Variants in TGFBR3 observed in about 807,000 individuals in gnomAD.
The protein encoded by TGFBR3 is transforming growth factor beta receptor 3.
TGFBR3 carries 46 observed loss-of-function variants against 87.9 expected under a neutral mutation model. The ratio of observed to expected loss-of-function variants is 0.52; its 90% CI spans 0.41 to 0.67. The LOEUF (loss-of-function observed/expected upper bound fraction) is 0.67, where lower values mean the gene tolerates loss of function less well. Among genes scored for constraint, TGFBR3 ranks in the 30% least tolerant of loss-of-function variants. TGFBR3 has a pLI of 0.00. For synonymous variants in TGFBR3, 381 were observed against 391.6 expected (o/e 0.97, Z 0.32); for missense variants, 866 against 1,041.9 (o/e 0.83, Z 2.32).
At chr1:91,722,197 A>G in intron 7 of TGFBR3, 53 bp from the exon 8 acceptor site, 3 of 1,399,758 alleles carry the variant, frequency 2.1e-6, no homozygotes, top group Non-Finnish European at 2.0e-6. Context: ...ACAGTACTTT[A>G]GATAATAAAA....
At chr1:91,826,361 G>A (rs952732695) in intron 2 of TGFBR3, among the ~76,000 whole-genome samples, 7 of 152,082 alleles carry the variant, frequency 4.6e-5, no homozygotes, top group Admixed American at 2.6e-4. Flanking sequence ...TTTAAGTCCC[G>A]CTCACATTTA....
chr1:91,687,846 C>T (rs1351952215), intron 16 of TGFBR3, among the ~76,000 whole-genome samples: 1 of 152,136 alleles, frequency 6.6e-6, no homozygotes, highest in African/African-American at 2.4e-5. Flanking sequence ...AAACCATATA[C>T]CTGGGGACAC....
At chr1:91,770,526 A>G (rs1377423420) in intron 3 of TGFBR3, among the ~76,000 whole-genome samples, 2 of 152,180 alleles carry the variant, frequency 1.3e-5, no homozygotes, top group East Asian at 3.8e-4. Context: ...AAGAGGCTTC[A>G]ATATTTATTA....
At chr1:91,853,682 T>C (rs1310866502) in intron 2 of TGFBR3, among the ~76,000 whole-genome samples, 1 of 152,010 alleles carries the variant, frequency 6.6e-6, no homozygotes, top group East Asian at 1.9e-4. Context: ...GAGCGACAAA[T>C]ATCATATATG....
chr1:91,768,507 A>G (rs1571490676), intron 3 of TGFBR3, among the ~76,000 whole-genome samples: 4 of 152,118 alleles, frequency 2.6e-5, no homozygotes, highest in African/African-American at 4.8e-5. Context: ...GTAATCCCCA[A>G]TGTTGGAGGT....
chr1:91,686,484 G>A (rs1671094058), intron 16 of TGFBR3, among the ~76,000 whole-genome samples: 1 of 152,156 alleles, frequency 6.6e-6, no homozygotes, highest in South Asian at 2.1e-4. Context: ...AGAATCTGCT[G>A]GGAAATATTG....
At chr1:91,708,289 G>A (rs2100750100) in intron 14 of TGFBR3, among the ~76,000 whole-genome samples, 1 of 152,266 alleles carries the variant, frequency 6.6e-6, no homozygotes, top group Middle Eastern at 3.4e-3. Flanking sequence ...ATAAACTTTA[G>A]CAGTAGATCA....
At chr1:91,716,173 G>T in intron 12 of TGFBR3, 63 bp downstream of exon 12, 2 of 1,598,506 alleles carry the variant, frequency 1.3e-6, no homozygotes, top group Non-Finnish European at 1.7e-6. Context: ...TATTTTAGCT[G>T]ATGTCTAAGG....
At chr1:91,773,137 G>C (rs1487146158) in intron 3 of TGFBR3, among the ~76,000 whole-genome samples, 1 of 152,174 alleles carries the variant, frequency 6.6e-6, no homozygotes, top group African/African-American at 2.4e-5. Flanking sequence ...CCAGCACTCT[G>C]GGAGGCTGAG....
intron 14 of TGFBR3, among the ~76,000 whole-genome samples, chr1:91,701,210 A>G (rs1032361293): frequency 6.6e-6 from 1 of 152,084 alleles, no homozygotes; most frequent in Admixed American, 6.5e-5. Flanking sequence ...AAACAGAAAC[A>G]GTTGTTGTTC....
At chr1:91,724,443 G>A (rs567193300) in intron 7 of TGFBR3, among the ~76,000 whole-genome samples, 42 of 152,148 alleles carry the variant, frequency 2.8e-4, no homozygotes, top group Non-Finnish European at 5.6e-4. Context: ...TCTCTTTCAT[G>A]TTGTTGGACA....
intron 3 of TGFBR3, among the ~76,000 whole-genome samples, chr1:91,782,901 G>T (rs371024310): frequency 3.9e-5 from 6 of 152,184 alleles, no homozygotes; most frequent in African/African-American, 1.4e-4. Flanking sequence ...CAGCTTCCAC[G>T]TAAACGGGTC....
At chr1:91,740,299 T>C (rs1284017275) in intron 4 of TGFBR3, among the ~76,000 whole-genome samples, 1 of 151,640 alleles carries the variant, frequency 6.6e-6, no homozygotes, top group Admixed American at 6.6e-5. Context: ...CCTCAGGTGA[T>C]CCACCCACCT....
At position 91,768,120 on chromosome 1, in the gene TGFBR3, G is replaced by A. The variant is rs1030437670; in HGVS notation, c.247-9370C>T. Among the ~76,000 whole-genome samples, 9 of 151,196 alleles carry A rather than the reference G, an allele frequency of 6.0e-5. No individual in the cohort carries two copies. In the South Asian group the frequency reaches 1.0e-3, roughly 18 times the overall value. On this transcript the variant is annotated intron_variant, in intron 3 of 16. Coordinates refer to ENST00000212355, the MANE Select transcript of TGFBR3 (RefSeq NM_003243.5). ...CCAGCTACTCAGGAGGCTGAGGCAG[G>A]AGAATCCCTTAAACCCAGGAGGCGG...
At chr1:91,848,797 GA>G (rs1331459657) in intron 2 of TGFBR3, among the ~76,000 whole-genome samples, 2 of 152,126 alleles carry the variant, frequency 1.3e-5, no homozygotes, top group African/African-American at 4.8e-5. Context: ...ACAAGACTTG[GA>G]AATCAGGAGG....
intron 12 of TGFBR3, among the ~76,000 whole-genome samples, chr1:91,713,438 G>A (rs1672055660): frequency 6.6e-6 from 1 of 152,188 alleles, no homozygotes; most frequent in Non-Finnish European, 1.5e-5. Flanking sequence ...GTGGATCACT[G>A]CATGAACTGC....
chr1:91,796,627 A>C (rs868158279), intron 3 of TGFBR3, among the ~76,000 whole-genome samples: 2 of 152,364 alleles, frequency 1.3e-5, no homozygotes, highest in South Asian at 4.1e-4. Flanking sequence ...GAAAGAAGAC[A>C]GAGGACACAG....
chr1:91,877,758 T>C lies in TGFBR3; in HGVS notation c.-114+8120A>G, dbSNP rs374728338. 7.2e-5 allele frequency among the ~76,000 whole-genome samples: 11 copies of C among 152,318 alleles called. No individual in the cohort carries two copies. In the East Asian group the frequency reaches 1.7e-3, roughly 24 times the overall value. Reference sequence around the variant, plus strand: ...CAGCTATTGTAACGAATAATGAGTATGACAGCTTAAAAGCTCAAAGACAAG... The same window carrying C: ...CAGCTATTGTAACGAATAATGAGTACGACAGCTTAAAAGCTCAAAGACAAG... On this transcript the variant is annotated intron_variant, in intron 1 of 16. Transcript: ENST00000212355.
chr1:91,814,789 T>C (rs560115938), intron 2 of TGFBR3, among the ~76,000 whole-genome samples: 2 of 152,158 alleles, frequency 1.3e-5, no homozygotes, highest in Non-Finnish European at 2.9e-5. Context: ...AAAACAGAAC[T>C]ATATTTATTT....
Sources: allele counts gnomAD v4.1 joint callset (sites outside exome capture counted in the v4.1 genomes callset), GRCh38; gene constraint gnomAD v4.1.1; transcripts MANE v1.5; gene names NCBI Gene and HGNC (gene_info 2026-07-23, HGNC 2026-07-21).